Variants in PRKG2 observed in about 807,000 individuals in gnomAD.
The protein encoded by PRKG2 is cGMP-dependent protein kinase 2.
In PRKG2, 33 loss-of-function variants were observed where a neutral mutation model predicts 97.2. The ratio of observed to expected loss-of-function variants is 0.34; its 90% CI spans 0.26 to 0.45. PRKG2 has a LOEUF of 0.45. Ranked by LOEUF, PRKG2 falls within the 20% of genes least tolerant of loss-of-function variation. The pLI is 1.00. For synonymous variants in PRKG2, 330 were observed against 321.8 expected, an observed-to-expected ratio of 1.03 and a Z score of -0.27; for missense variants, 638 against 900.0, an observed-to-expected ratio of 0.71 and a Z score of 3.73.
At chr4:81,122,333 A>G (rs1486940054) in intron 14 of PRKG2, among the ~76,000 whole-genome samples, 1 of 152,176 alleles carries the variant, frequency 6.6e-6, no homozygotes, top group Non-Finnish European at 1.5e-5. Flanking sequence ...AAACTCTGGG[A>G]TGGGCAGGAA....
At chr4:81,114,433 G>A (rs1309173101) in intron 14 of PRKG2, among the ~76,000 whole-genome samples, 1 of 152,066 alleles carries the variant, frequency 6.6e-6, no homozygotes, top group Non-Finnish European at 1.5e-5. Flanking sequence ...TTTGAACCAG[G>A]TTCAAAGGGA....
intron 14 of PRKG2, among the ~76,000 whole-genome samples, chr4:81,113,412 G>A (rs868493762): frequency 6.6e-6 from 1 of 151,366 alleles, no homozygotes; most frequent in African/African-American, 2.4e-5. Flanking sequence ...GTTTCAAGAC[G>A]AGTACCTGAG....
At chr4:81,106,170 G>A (rs554275118) in intron 15 of PRKG2, among the ~76,000 whole-genome samples, 9 of 152,172 alleles carry the variant, frequency 5.9e-5, no homozygotes, top group African/African-American at 9.6e-5. Context: ...GTCATGTGTC[G>A]ATAATCACTA....
intron 2 of PRKG2, among the ~76,000 whole-genome samples, chr4:81,189,063 T>TAATAA (rs1560615663): frequency 0.012 from 79 of 6,414 alleles, 7 homozygotes; most frequent in African/African-American, 0.084. Context: ...TTAAAAAAAA[T>TAATAA]AATAAAAAAA....
chr4:81,183,735 A>G (rs938101719), intron 2 of PRKG2, among the ~76,000 whole-genome samples: 1 of 152,080 alleles, frequency 6.6e-6, no homozygotes, highest in East Asian at 1.9e-4. Context: ...GCAAGCTAAG[A>G]TCCACTAGCT....
At chr4:81,096,994 T>C (rs575410269) in intron 17 of PRKG2, among the ~76,000 whole-genome samples, 1 of 152,294 alleles carries the variant, frequency 6.6e-6, no homozygotes, top group African/African-American at 2.4e-5. Flanking sequence ...TCAACTCACT[T>C]TGCCCAGAGC....
At chr4:81,166,700 CTAGAGTGTTCAAG>C (rs1172073908) in intron 6 of PRKG2, among the ~76,000 whole-genome samples, 1 of 151,934 alleles carries the variant, frequency 6.6e-6, no homozygotes. Context: ...TTTTTGTGGC[CTAGAGTGTTCAAG>C]TAGAAAGTGT....
chr4:81,194,849 G>A (rs942181083), intron 2 of PRKG2, among the ~76,000 whole-genome samples: 1 of 152,152 alleles, frequency 6.6e-6, no homozygotes, highest in African/African-American at 2.4e-5. Flanking sequence ...CAGCGGCAGG[G>A]AAACCTGCTC....
intron 6 of PRKG2, among the ~76,000 whole-genome samples, chr4:81,157,361 T>C (rs1749196961): frequency 2.0e-5 from 3 of 151,978 alleles, no homozygotes; most frequent in Non-Finnish European, 4.4e-5. Context: ...ATACATACAC[T>C]CTCCCAAGAC....
At chr4:81,140,163 G>C (rs1747134467) in intron 12 of PRKG2, among the ~76,000 whole-genome samples, 1 of 152,134 alleles carries the variant, frequency 6.6e-6, no homozygotes, top group African/African-American at 2.4e-5. Context: ...AAAGGTAGTG[G>C]GGAGACATGC....
intron 14 of PRKG2, among the ~76,000 whole-genome samples, chr4:81,129,140 A>G (rs1745900343): frequency 6.6e-6 from 1 of 152,166 alleles, no homozygotes; most frequent in Non-Finnish European, 1.5e-5. Context: ...TGAGTTTCTT[A>G]ATCCTGAGTT....
At chr4:81,171,583 A>T in intron 4 of PRKG2, 108 bp downstream of exon 4, 1 of 731,564 alleles carries the variant, frequency 1.4e-6, no homozygotes, top group Non-Finnish European at 2.1e-6. Flanking sequence ...AAGAACATAT[A>T]GGGTAAAATG....
At chr4:81,187,460 C>G (rs917047738) in intron 2 of PRKG2, among the ~76,000 whole-genome samples, 2 of 150,354 alleles carry the variant, frequency 1.3e-5, no homozygotes, top group Admixed American at 6.6e-5. Context: ...GAACTACGAG[C>G]GTATCTCAGA....
At chr4:81,110,661 C>G (rs1480585866) in intron 14 of PRKG2, 50 bp from the exon 15 acceptor site, 1 of 1,594,290 alleles carries the variant, frequency 6.3e-7, no homozygotes. Context: ...AACTCATGCT[C>G]CTCTTTAAGC....
intron 17 of PRKG2, among the ~76,000 whole-genome samples, chr4:81,093,774 T>C (rs564769407): frequency 4.6e-5 from 7 of 152,324 alleles, no homozygotes; most frequent in African/African-American, 1.7e-4. Flanking sequence ...TTCAAGTATA[T>C]ATTTCAAGCT....
chr4:81,134,067 A>C lies in PRKG2; in HGVS notation c.1776+1088T>G, dbSNP rs376587083. On this transcript the variant is annotated intron_variant, in intron 14 of 18. Coordinates refer to ENST00000264399, the MANE Select transcript of PRKG2 (RefSeq NM_006259.3). ...TCACCAGTTCTCAAAGCTATCTTTC[A>C]TGGATAAAATAAAGCTTGAATGATT... Among the ~76,000 whole-genome samples the C allele has an allele frequency of 5.9e-5, 9 of 152,326 alleles. No homozygotes were observed. The East Asian group carries it at 1.5e-3, about 26-fold the overall frequency.
intron 2 of PRKG2, among the ~76,000 whole-genome samples, chr4:81,190,200 A>G (rs1340546206): frequency 6.6e-6 from 1 of 152,196 alleles, no homozygotes; most frequent in African/African-American, 2.4e-5. Context: ...ATAGTAACCA[A>G]AACAGCATGG....
chr4:81,211,488 T>C (rs1032501532), intron 1 of PRKG2, among the ~76,000 whole-genome samples: 2 of 152,188 alleles, frequency 1.3e-5, no homozygotes, highest in Non-Finnish European at 2.9e-5. Context: ...AGTAAGATAC[T>C]GAAAAATTTC....
At chr4:81,200,012 T>C (rs1753203363) in intron 2 of PRKG2, among the ~76,000 whole-genome samples, 1 of 152,236 alleles carries the variant, frequency 6.6e-6, no homozygotes, top group African/African-American at 2.4e-5. Flanking sequence ...AATGCAGTCA[T>C]ACCAGCAACT....
Sources: allele counts gnomAD v4.1 joint callset (sites outside exome capture counted in the v4.1 genomes callset), GRCh38; gene constraint gnomAD v4.1.1; transcripts MANE v1.5; gene names NCBI Gene and HGNC (gene_info 2026-07-23, HGNC 2026-07-21).